The following DAB1 variants were observed in gnomAD, a reference collection of about 807,000 sequenced individuals.
DAB1 encodes disabled homolog 1.
Under a neutral mutation model 64.6 loss-of-function variants are expected in DAB1, and 15 were observed. The observed-to-expected ratio is 0.23, with a 90% confidence interval of 0.16 to 0.36. The LOEUF (loss-of-function observed/expected upper bound fraction) is 0.36. Among genes scored for constraint, DAB1 ranks in the 10% least tolerant of loss-of-function variants. The pLI is 1.00. For synonymous variants in DAB1, 235 were observed against 251.9 expected, an observed-to-expected ratio of 0.93 and a Z score of 0.64; for missense variants, 596 against 706.7, an observed-to-expected ratio of 0.84 and a Z score of 1.78.
chr1:57,070,969 G>A (rs908176441), intron 7 of DAB1, 54 bp downstream of exon 7: 2 of 1,476,552 alleles, frequency 1.4e-6, no homozygotes, highest in East Asian at 2.3e-5. Flanking sequence ...AAATGGCTCT[G>A]GCACAGGTCT....
intron 1 of DAB1, among the ~76,000 whole-genome samples, chr1:57,371,078 T>C (rs866660057): frequency 6.6e-6 from 1 of 152,188 alleles, no homozygotes; most frequent in South Asian, 2.1e-4. Context: ...AGCGGCTATA[T>C]GCACAGCTGT....
intron 2 of DAB1, among the ~76,000 whole-genome samples, chr1:58,526,238 T>A (rs1646347892): frequency 6.6e-6 from 1 of 152,084 alleles, no homozygotes; most frequent in Non-Finnish European, 1.5e-5. Context: ...CGCAGTCTGA[T>A]AATTCACTTA....
chr1:57,263,013 G>T (rs1390484462), intron 2 of DAB1, among the ~76,000 whole-genome samples: 5 of 152,180 alleles, frequency 3.3e-5, no homozygotes, highest in African/African-American at 1.2e-4. Context: ...GCTCATGGAC[G>T]TGAATGTCTC....
intron 4 of DAB1, among the ~76,000 whole-genome samples, chr1:58,193,724 C>T (rs183038541): frequency 7.8e-4 from 119 of 152,122 alleles, no homozygotes; most frequent in South Asian, 2.9e-3. Context: ...GGCATGGTGG[C>T]GCACGCCTGT....
In DAB1 at chr1:57,695,380, GAAA is replaced by G. The variant is rs1557427838; in HGVS notation, n.552-45718_552-45716del. 4.2e-3 allele frequency among the ~76,000 whole-genome samples: 294 copies of G among 70,116 alleles called. 11 individuals are homozygous for G. The highest frequency in any genetic ancestry group is 0.015 in the African/African-American group (280 of 18,246). 46.0% of individuals were successfully genotyped at this position (70,116 alleles called of 152,430 possible). On this transcript the variant is annotated intron_variant and non_coding_transcript_variant, in intron 6 of 20. Transcript: ENST00000485760. Reference sequence around the variant, plus strand: ...AAGAAAGAAGAAAGAAAGAAAGAAAGAAAGAAAGAAAGAAAGAAAGAAAGAAAG... The same window carrying G: ...AAGAAAGAAGAAAGAAAGAAAGAAAGGAAAGAAAGAAAGAAAGAAAGAAAG...
At chr1:58,247,572 T>C (rs1242198678) in intron 4 of DAB1, among the ~76,000 whole-genome samples, 1 of 152,190 alleles carries the variant, frequency 6.6e-6, no homozygotes, top group African/African-American at 2.4e-5. Context: ...ATTTCACAAA[T>C]AATTGTCTTA....
intron 7 of DAB1, among the ~76,000 whole-genome samples, chr1:57,516,833 C>A (rs1220427370): frequency 6.6e-6 from 1 of 152,294 alleles, no homozygotes; most frequent in East Asian, 1.9e-4. Context: ...TGAAATGCTA[C>A]CCCCACTTCA....
At chr1:57,922,549 C>T (rs998850266) in intron 5 of DAB1, among the ~76,000 whole-genome samples, 1 of 152,028 alleles carries the variant, frequency 6.6e-6, no homozygotes, top group Admixed American at 6.5e-5. Context: ...ACGAGATGTT[C>T]CTGTTTGTTC....
intron 2 of DAB1, among the ~76,000 whole-genome samples, chr1:57,241,608 G>A (rs1668499016): frequency 6.6e-6 from 1 of 152,118 alleles, no homozygotes; most frequent in Non-Finnish European, 1.5e-5. Flanking sequence ...ATATATCACT[G>A]TACCACTGCC....
intron 3 of DAB1, among the ~76,000 whole-genome samples, chr1:58,386,661 G>A (rs1569715423): frequency 1.3e-5 from 2 of 152,136 alleles, no homozygotes; most frequent in Admixed American, 6.6e-5. Flanking sequence ...TTCCGCTTTT[G>A]TAAAGTGAGA....
chr1:57,194,762 G>C (rs1277315051), intron 2 of DAB1, among the ~76,000 whole-genome samples: 1 of 152,146 alleles, frequency 6.6e-6, no homozygotes, highest in East Asian at 1.9e-4. Flanking sequence ...TCCATGGGAG[G>C]CATGGAGAAG....
chr1:57,209,224 A>G (rs1352427104), intron 2 of DAB1, among the ~76,000 whole-genome samples: 1 of 152,228 alleles, frequency 6.6e-6, no homozygotes, highest in African/African-American at 2.4e-5. Flanking sequence ...GCATTACTGC[A>G]CTGAGTGTTT....
chr1:58,123,305 A>G (rs1216659149), intron 5 of DAB1, among the ~76,000 whole-genome samples: 1 of 152,132 alleles, frequency 6.6e-6, no homozygotes, highest in Non-Finnish European at 1.5e-5. Context: ...TACCGAAGCC[A>G]TATGGTCTCA....
At chr1:58,506,678 T>C (rs1569911854) in intron 2 of DAB1, among the ~76,000 whole-genome samples, 1 of 152,162 alleles carries the variant, frequency 6.6e-6, no homozygotes, top group East Asian at 1.9e-4. Flanking sequence ...AAAATTCTGT[T>C]TTCATAAAGT....
intron 2 of DAB1, among the ~76,000 whole-genome samples, chr1:57,234,994 C>T (rs76661318): frequency 0.083 from 12,623 of 152,232 alleles, 589 homozygotes; most frequent in East Asian, 0.17. Context: ...GAAGGACCTA[C>T]GTGATTAGAT....
At chr1:57,018,858 G>T (rs1646520002) in intron 11 of DAB1, among the ~76,000 whole-genome samples, 1 of 152,122 alleles carries the variant, frequency 6.6e-6, no homozygotes. Context: ...TATCCTCACT[G>T]CACCTTGCCC....
chr1:57,193,224 C>T lies in DAB1; in HGVS notation c.68-47795G>A, dbSNP rs369877688. Among the ~76,000 whole-genome samples, 49 of 152,054 alleles carry T rather than the reference C, an allele frequency of 3.2e-4. 1 individual carries two copies. The South Asian group carries it at 8.3e-3, about 26-fold the overall frequency. The stretch of plus-strand genomic sequence containing the variant: ...CATCTCCCCAACCCTCTCCACCACC[C>T]ACCCCACCCGGTCCCTGGTAACCAC... On this transcript the variant is annotated intron_variant, in intron 2 of 14. Coordinates refer to ENST00000371236, the MANE Select transcript of DAB1 (RefSeq NM_001365792.1).
chr1:58,048,335 T>C (rs1334520362), intron 5 of DAB1: 1 of 1,054,030 alleles, frequency 9.5e-7, no homozygotes. Context: ...TGAAAACTGA[T>C]TGTTTTAATT....
In DAB1 at chr1:57,894,580, C is replaced by T. The variant is rs1644366282; in HGVS notation, n.388-10418G>A. Among the ~76,000 whole-genome samples the T allele has an allele frequency of 2.0e-5, 3 of 152,216 alleles. No homozygotes were observed. In the South Asian group the frequency reaches 6.2e-4, roughly 32 times the overall value. The stretch of plus-strand genomic sequence containing the variant: ...ACCTAAAGGAAGCCGATGTGCTTGA[C>T]ACATGGTGTGAGGTGAGCCTTGTAC... On this transcript the variant is annotated intron_variant and non_coding_transcript_variant, in intron 5 of 20. Coordinates refer to the DAB1 transcript ENST00000485760.
Sources: gnomAD v4.1 joint callset for allele counts (sites outside exome capture counted in the v4.1 genomes callset) on GRCh38, gnomAD v4.1.1 for gene constraint, MANE v1.5 for transcripts, NCBI Gene and HGNC (gene_info 2026-07-23, HGNC 2026-07-21) for gene names.